The following GYS1 variants were observed in gnomAD, a reference collection of about 807,000 sequenced individuals.
GYS1 encodes the protein glycogen [starch] synthase, muscle.
GYS1 carries 60 observed loss-of-function variants against 89.1 expected under a neutral mutation model. The observed-to-expected ratio is 0.67, with a 90% confidence interval of 0.55 to 0.84. The LOEUF is 0.84. Ranked by LOEUF, GYS1 falls within the 40% of genes least tolerant of loss-of-function variation. The probability of loss-of-function intolerance (pLI) is 0.00; values close to 1 mark genes in which losing one functional copy is unlikely to be tolerated. For synonymous variants in GYS1, 366 were observed against 401.7 expected (o/e 0.91, Z 1.06); for missense variants, 888 against 1,003.1 (o/e 0.89, Z 1.55).
At position 48,991,353 on chromosome 19, in the gene GYS1, G is replaced by A. The variant is rs2038922377; in HGVS notation, c.249C>T (p.Pro83=). 2 of 1,614,030 alleles carry A rather than the reference G, an allele frequency of 1.2e-6. No homozygotes were observed. The highest frequency in any genetic ancestry group is 4.5e-5 in the East Asian group (2 of 44,886). Residue 83 remains proline (P), a synonymous_variant, in exon 2 of 16, where the codon CCC becomes CCT. Coordinates refer to ENST00000323798, the MANE Select transcript of GYS1 (RefSeq NM_002103.5). This position sits in a 1 kb window ranked among gnomAD's most constrained non-coding sequence, Gnocchi z 4.7. The part of the protein sequence containing the change: ...VRTQVELLEA[P]TPALKRTLDS... ...CCAGTGTCCTCTTCAGGGCCGGGGT[G>A]GGGGCCTCCAGCAGTTCCACCTGGG...
chr19:48,970,836 G>T (rs2038553470), intron 13 of GYS1, 92 bp downstream of exon 13: 1 of 1,378,026 alleles, frequency 7.3e-7, no homozygotes, highest in Non-Finnish European at 1.0e-6. Context: ...TGGTGCCCCT[G>T]GTCTCCAAGG....
chr19:48,986,477 G>C (rs1249131852), intron 3 of GYS1, among the ~76,000 whole-genome samples: 1 of 151,212 alleles, frequency 6.6e-6, no homozygotes, highest in Non-Finnish European at 1.5e-5. Context: ...CAGGGCATGA[G>C]AAATTAAGCT....
chr19:48,969,889 G>T (rs772542493), intron 14 of GYS1, 34 bp from the exon 15 acceptor site: 1 of 1,503,072 alleles, frequency 6.7e-7, no homozygotes, highest in South Asian at 1.1e-5. Context: ...CAGAGGATGT[G>T]AGAGCCAGGC....
chr19:48,985,213 G>A (rs776658713), intron 5 of GYS1, among the ~76,000 whole-genome samples: 2 of 152,034 alleles, frequency 1.3e-5, no homozygotes, highest in Non-Finnish European at 2.9e-5. Flanking sequence ...CATGTCTGGC[G>A]AATATTTTAG....
chr19:48,981,437 A>C (rs1039551306), intron 8 of GYS1, 93 bp downstream of exon 8: 2 of 785,694 alleles, frequency 2.5e-6, no homozygotes, highest in Non-Finnish European at 4.5e-6. Flanking sequence ...ACAAACAAAC[A>C]AAACAAAAAA....
rs1318734753 is a variant in GYS1, at chr19:48,981,596, A to G, written c.1103T>C (p.Met368Thr). Residue 368 changes from methionine (M) to threonine (T), a missense_variant, in exon 8 of 16, where the codon ATG becomes ACG. Met to Thr is a moderately conservative substitution (Grantham distance 81, BLOSUM62 -1). Coordinates refer to ENST00000323798, the MANE Select transcript of GYS1 (RefSeq NM_002103.5). ...GTTGAAATTGTTGGTCCGCGCTGGC[A>G]TGATGAAGAAGGCAACCACTGTCTG... The part of the protein sequence containing the change: ...SEQTVVAFFI[M>T]PARTNNFNVE... 1 of 1,613,756 alleles carries G rather than the reference A, an allele frequency of 6.2e-7. No homozygotes were observed. Among genetic ancestry groups the G allele is most frequent in the Non-Finnish European group, 8.5e-7 (1 of 1,179,666 alleles).
At chr19:48,987,454 G>A in intron 2 of GYS1, 69 bp from the exon 3 acceptor site, 1 of 1,263,450 alleles carries the variant, frequency 7.9e-7, no homozygotes, top group East Asian at 2.5e-5. Context: ...ACTCATCCGT[G>A]GTTCTCCCAT....
At chr19:48,970,294 T>C (rs1345200235) in intron 14 of GYS1, 7 of 498,868 alleles carry the variant, frequency 1.4e-5, no homozygotes, top group Non-Finnish European at 2.5e-5. Flanking sequence ...TCGGCTGATT[T>C]TTTTTTATTT....
Position 48,991,553 on chromosome 19 carries a change from G to C in GYS1, c.119-70C>G. The C allele has an allele frequency of 1.6e-5, 22 of 1,409,164 alleles. No homozygotes were observed. The highest frequency in any genetic ancestry group is 2.8e-5 in the African/African-American group (2 of 71,068). The allele number at this position is 1,409,164 out of a possible 1,614,324, so 87.3% of individuals were successfully genotyped here. ...AGTTCTGGGGCCTGGGGTGGGGTGGGCCGGGGATGTAGGGGGCACTCAGGC... is the reference window on the plus strand; with the variant it reads ...AGTTCTGGGGCCTGGGGTGGGGTGGCCCGGGGATGTAGGGGGCACTCAGGC... On this transcript the variant is annotated intron_variant, in intron 1 of 15. Transcript: ENST00000323798. The surrounding 1 kb of genome is among the most constrained non-coding windows in gnomAD (Gnocchi z 4.7).
At chr19:48,990,481 C>T (rs915283857) in intron 2 of GYS1, among the ~76,000 whole-genome samples, 3 of 152,156 alleles carry the variant, frequency 2.0e-5, no homozygotes, top group Admixed American at 2.0e-4. Flanking sequence ...GCCTGTGGCT[C>T]CATCCACCCT....
chr19:48,982,980 T>C (rs1172390936), intron 5 of GYS1, 143 bp from the exon 6 acceptor site: 14 of 698,668 alleles, frequency 2.0e-5, no homozygotes, highest in Non-Finnish European at 3.4e-5. Flanking sequence ...CCCTCCCACC[T>C]TTTTTGTTTG....
At chr19:48,987,144 A>T (rs1454180232) in intron 3 of GYS1, 50 bp downstream of exon 3, 2 of 1,324,700 alleles carry the variant, frequency 1.5e-6, no homozygotes, top group African/African-American at 2.9e-5. Context: ...CCAGGGGCTG[A>T]TGGTCATTGT....
chr19:48,986,544 C>A (rs2038846915), intron 3 of GYS1, among the ~76,000 whole-genome samples: 1 of 150,638 alleles, frequency 6.6e-6, no homozygotes, highest in Non-Finnish European at 1.5e-5. Context: ...ACTCTGTGGC[C>A]CAGGCTGGAG....
chr19:48,974,800 C>A, intron 10 of GYS1, 67 bp from the exon 11 acceptor site: 1 of 1,107,664 alleles, frequency 9.0e-7, no homozygotes, highest in Non-Finnish European at 1.4e-6. Flanking sequence ...TCCTCATGAG[C>A]CATGCGGACC....
At chr19:48,981,494 T>G in intron 8 of GYS1, 36 bp downstream of exon 8, 1 of 1,106,260 alleles carries the variant, frequency 9.0e-7, no homozygotes, top group Non-Finnish European at 1.4e-6. Flanking sequence ...CATCTGGGAG[T>G]GGGCTGCGCC....
In GYS1 at chr19:48,969,260, G is replaced by A. The variant is rs760645832; in HGVS notation, c.*28C>T. The A allele has an allele frequency of 1.3e-6, 2 of 1,515,472 alleles. No homozygotes were observed. Among genetic ancestry groups the A allele is most frequent in the African/African-American group, 2.7e-5 (2 of 72,836 alleles). The allele number at this position is 1,515,472 out of a possible 1,614,324, so 93.9% of individuals were successfully genotyped here. ...TCCTCTCTCTGGAGCAGAGAGGCAG[G>A]ACAGGCGGGGAGTGTGGTGGGGCGG... is the stretch of plus-strand genomic sequence containing the variant. On this transcript the variant is annotated 3_prime_UTR_variant, in exon 16 of 16. Transcript: ENST00000323798.
intron 3 of GYS1, 34 bp from the exon 4 acceptor site, chr19:48,986,069 C>T (rs749509744): frequency 1.2e-5 from 19 of 1,603,552 alleles, no homozygotes; most frequent in East Asian, 2.2e-5. Flanking sequence ...ACTGTCTCCA[C>T]GAGTGTTGGG....
At chr19:48,974,586 C>T (rs374132163) in intron 11 of GYS1, 34 bp downstream of exon 11, 25 of 1,441,662 alleles carry the variant, frequency 1.7e-5, no homozygotes, top group Non-Finnish European at 2.1e-5. Flanking sequence ...TTCCCTCTGC[C>T]GTGCCCAACC....
In GYS1 at chr19:48,981,608, G is replaced by A; in HGVS notation, c.1091C>T (p.Ala364Val). 6.2e-7 allele frequency: 1 copy of A among 1,612,894 alleles called. No homozygotes were observed. The highest frequency in any genetic ancestry group is 8.5e-7 in the Non-Finnish European group (1 of 1,178,902). Residue 364 changes from alanine to valine, a missense_variant, in exon 8 of 16, where the codon GCC becomes GTC. By Grantham distance (64) the Ala-to-Val change is moderately conservative. Transcript: ENST00000323798. ...RVNGSEQTVV[A>V]FFIMPARTNN... Reference sequence around the variant, plus strand: ...GGTCCGCGCTGGCATGATGAAGAAGGCAACCACTGTCTGCTCGCTGCCGTT... The same window carrying A: ...GGTCCGCGCTGGCATGATGAAGAAGACAACCACTGTCTGCTCGCTGCCGTT...
Sources: allele counts gnomAD v4.1 joint callset (sites outside exome capture counted in the v4.1 genomes callset), GRCh38; gene constraint gnomAD v4.1.1; non-coding constraint Gnocchi (gnomAD v3.1); transcripts MANE v1.5; gene names NCBI Gene and HGNC (gene_info 2026-07-23, HGNC 2026-07-21).